The following SRP72 variants were observed in gnomAD, a reference collection of about 807,000 sequenced individuals.
SRP72 encodes signal recognition particle subunit SRP72.
A neutral mutation model predicts 96.3 loss-of-function variants in SRP72; 49 were observed. That is an observed-to-expected ratio of 0.51 (90% CI 0.40 to 0.65). The LOEUF (loss-of-function observed/expected upper bound fraction) is 0.65, where lower values mean the gene tolerates loss of function less well. SRP72 is among the 30% of genes least tolerant of loss of function. SRP72 has a pLI of 0.00. For synonymous variants in SRP72, 267 were observed against 275.2 expected (o/e 0.97, Z 0.30); for missense variants, 736 against 793.3 (o/e 0.93, Z 0.87).
At chr4:56,493,681 A>G (rs1283888500) in intron 16 of SRP72, among the ~76,000 whole-genome samples, 1 of 152,020 alleles carries the variant, frequency 6.6e-6, no homozygotes, top group Non-Finnish European at 1.5e-5. Flanking sequence ...CCTGGACAAC[A>G]TGGTGAAACC....
intron 11 of SRP72, among the ~76,000 whole-genome samples, chr4:56,486,998 A>C (rs2110124632): frequency 6.6e-6 from 1 of 152,344 alleles, no homozygotes; most frequent in Non-Finnish European, 1.5e-5. Flanking sequence ...AGTTAAATGA[A>C]ATTTTAAATT....
chr4:56,491,322 C>G, intron 15 of SRP72, 109 bp from the exon 16 acceptor site: 1 of 1,330,266 alleles, frequency 7.5e-7, no homozygotes, highest in Non-Finnish European at 1.0e-6. Flanking sequence ...TGAAGGTCAT[C>G]AAGAAAAGAC....
chr4:56,475,403 A>AAATATAT (rs1553945339), intron 5 of SRP72, among the ~76,000 whole-genome samples: 28 of 150,974 alleles, frequency 1.9e-4, no homozygotes, highest in South Asian at 1.3e-3. Context: ...ACAAAAAAAA[A>AAATATAT]ATATATATGT....
At chr4:56,478,341 T>G (rs1324684065) in intron 6 of SRP72, 38 bp from the exon 7 acceptor site, 4 of 1,535,862 alleles carry the variant, frequency 2.6e-6, no homozygotes, top group Non-Finnish European at 3.5e-6. Context: ...TAGATCAGTT[T>G]GGAAAATTTA....
At chr4:56,484,134 C>T (rs1046276041) in intron 9 of SRP72, among the ~76,000 whole-genome samples, 3 of 146,614 alleles carry the variant, frequency 2.0e-5, no homozygotes, top group African/African-American at 7.6e-5. Flanking sequence ...CCTGGGTTCA[C>T]GCTATTCTCC....
chr4:56,495,415 T>G (rs761022984), intron 17 of SRP72, 21 bp downstream of exon 17: 1 of 1,446,084 alleles, frequency 6.9e-7, no homozygotes, highest in East Asian at 2.3e-5. Flanking sequence ...AAAAAAGTCT[T>G]TATAAATTTT....
rs558468263 is a variant in SRP72 at position 56,467,820 on chromosome 4, C to G, written c.109+76C>G. On this transcript the variant is annotated intron_variant, in intron 1 of 18. Coordinates refer to ENST00000642900, the MANE Select transcript of SRP72 (RefSeq NM_006947.4). ...GGCCTGTTTCCGGCGCGCGAGACCACCTCGCGCGGGAGGCACGGGAAGGGG... is the reference window on the plus strand; with the variant it reads ...GGCCTGTTTCCGGCGCGCGAGACCAGCTCGCGCGGGAGGCACGGGAAGGGG... 8 of 1,312,332 alleles carry G rather than the reference C, an allele frequency of 6.1e-6. No homozygotes were observed. In the East Asian group the frequency reaches 9.3e-5, roughly 15 times the overall value. The allele number at this position is 1,312,332 out of a possible 1,614,324, so 81.3% of individuals were successfully genotyped here. A position where few individuals can be genotyped will look rare whatever the true frequency, so the allele number is the denominator to read the frequency against.
At chr4:56,468,369 A>G (rs193147919) in intron 1 of SRP72, among the ~76,000 whole-genome samples, 122 of 152,364 alleles carry the variant, frequency 8.0e-4, no homozygotes, top group Middle Eastern at 3.4e-3. Context: ...TAATGTCGGA[A>G]GAAAAGTTTG....
chr4:56,469,953 T>A (rs1245238219), intron 2 of SRP72, among the ~76,000 whole-genome samples, 180 bp downstream of exon 2: 1 of 150,720 alleles, frequency 6.6e-6, no homozygotes, highest in Non-Finnish European at 1.5e-5. Flanking sequence ...GTAACTTCTG[T>A]TTTTTTCAGC....
intron 2 of SRP72, among the ~76,000 whole-genome samples, chr4:56,470,348 G>A (rs1220366198): frequency 2.6e-5 from 4 of 152,256 alleles, no homozygotes; most frequent in East Asian, 3.9e-4. Flanking sequence ...AGACCAGACC[G>A]AGCAATATGG....
At chr4:56,482,000 G>A (rs1413957900) in intron 8 of SRP72, among the ~76,000 whole-genome samples, 1 of 151,304 alleles carries the variant, frequency 6.6e-6, no homozygotes. Flanking sequence ...CTGGCCTCAG[G>A]TGATCCACCC....
At chr4:56,479,806 T>C (rs1435587337) in intron 8 of SRP72, among the ~76,000 whole-genome samples, 1 of 152,154 alleles carries the variant, frequency 6.6e-6, no homozygotes, top group Admixed American at 6.5e-5. Flanking sequence ...AAGGTCACAA[T>C]TGAAATCCAA....
In SRP72 at chr4:56,501,882, G is replaced by C; in HGVS notation, c.*21G>C. On this transcript the variant is annotated 3_prime_UTR_variant, in exon 19 of 19. Transcript: ENST00000642900. Reference sequence around the variant, plus strand: ...GGTGATGAGAATATTCTTGTTGCAGGCTGTTTTTAAACTAGTGTCAGTGAC... The same window carrying C: ...GGTGATGAGAATATTCTTGTTGCAGCCTGTTTTTAAACTAGTGTCAGTGAC... The C allele has an allele frequency of 6.2e-7, 1 of 1,613,564 alleles. No individual in the cohort carries two copies. The highest frequency in any genetic ancestry group is 1.1e-5 in the South Asian group (1 of 90,982).
At chr4:56,469,150 A>G (rs1016471664) in intron 1 of SRP72, among the ~76,000 whole-genome samples, 3 of 152,220 alleles carry the variant, frequency 2.0e-5, no homozygotes, top group African/African-American at 4.8e-5. Context: ...CTTATTAAAT[A>G]GGTAATGCTT....
In SRP72 at chr4:56,489,235, G is replaced by C. The variant is rs945432162; in HGVS notation, c.1225-153G>C. On this transcript the variant is annotated intron_variant, in intron 12 of 18. Coordinates refer to ENST00000642900, the MANE Select transcript of SRP72 (RefSeq NM_006947.4). ...TGTTCATGGTATTTCTAGAAGTAAA[G>C]TTAACTATGTTCTCTAAAGGGAGTA... 16 of 425,024 alleles carry C rather than the reference G, an allele frequency of 3.8e-5. 1 individual carries two copies. The Admixed American group carries it at 5.7e-4, about 15-fold the overall frequency. The allele number at this position is 425,024 out of a possible 1,614,324, so 26.3% of individuals were successfully genotyped here.
chr4:56,482,363 G>A (rs576882634), intron 8 of SRP72, among the ~76,000 whole-genome samples: 1 of 151,918 alleles, frequency 6.6e-6, no homozygotes, highest in East Asian at 2.0e-4. Flanking sequence ...CAGGAGAATG[G>A]CGTGAACCCG....
In SRP72 at chr4:56,500,133, G is replaced by A. The variant is rs544753430; in HGVS notation, c.1679-403G>A. Reference sequence around the variant, plus strand: ...ACAGGAACAGAAAACCAAACACCGCGTGTTCTCACTCATAAGTGGGAGTTG... The same window carrying A: ...ACAGGAACAGAAAACCAAACACCGCATGTTCTCACTCATAAGTGGGAGTTG... On this transcript the variant is annotated intron_variant, in intron 17 of 18. Transcript: ENST00000642900. 5.3e-5 allele frequency among the ~76,000 whole-genome samples: 8 copies of A among 152,118 alleles called. No homozygotes were observed. The East Asian group carries it at 1.2e-3, about 22-fold the overall frequency.
At chr4:56,484,593 G>T in intron 9 of SRP72, 143 bp from the exon 10 acceptor site, 1 of 1,082,122 alleles carries the variant, frequency 9.2e-7, no homozygotes, top group Non-Finnish European at 1.3e-6. Flanking sequence ...AATAGATACT[G>T]TAAACTGATT....
chr4:56,486,120 C>T (rs750719054), intron 10 of SRP72: 19 of 451,884 alleles, frequency 4.2e-5, no homozygotes, highest in Admixed American at 7.8e-5. Flanking sequence ...AACTTGACTT[C>T]ATTGCACTTA....
Sources: allele counts gnomAD v4.1 joint callset (sites outside exome capture counted in the v4.1 genomes callset), GRCh38; gene constraint gnomAD v4.1.1; transcripts MANE v1.5; gene names NCBI Gene and HGNC (gene_info 2026-07-23, HGNC 2026-07-21).